Variants in TENM3 observed in about 807,000 individuals in gnomAD.
TENM3 encodes the protein teneurin-3.
In TENM3, 63 loss-of-function variants were observed where a neutral mutation model predicts 255.1. That is an observed-to-expected ratio of 0.25 (90% CI 0.20 to 0.30). The LOEUF (loss-of-function observed/expected upper bound fraction) is 0.30, where lower values mean the gene tolerates loss of function less well. TENM3 is among the 10% of genes least tolerant of loss of function. The probability of loss-of-function intolerance (pLI) is 1.00; values close to 1 mark genes in which losing one functional copy is unlikely to be tolerated. For missense variants in TENM3, 2,929 were observed against 3,461.1 expected, an observed-to-expected ratio of 0.85 and a Z score of 3.86; for synonymous variants, 1,306 against 1,322.3, an observed-to-expected ratio of 0.99 and a Z score of 0.27.
At chr4:182,161,863 GTATATATGTGTA>G (rs1461008772) in intron 1 of TENM3, among the ~76,000 whole-genome samples, 606 of 15,774 alleles carry the variant, frequency 0.038, 159 homozygotes, top group Non-Finnish European at 0.089. Flanking sequence ...ATATATATGT[GTATATATGTGTA>G]TATATATACA....
At chr4:182,044,521 G>A in the TENM3 span, among the ~76,000 whole-genome samples, 1 of 152,150 alleles carries the variant, frequency 6.6e-6, no homozygotes, top group South Asian at 2.1e-4. Flanking sequence ...TTCCAAAAAG[G>A]GCACTGAGAA....
At chr4:181,967,241 A>G in the TENM3 span, among the ~76,000 whole-genome samples, 1 of 152,164 alleles carries the variant, frequency 6.6e-6, no homozygotes, top group Non-Finnish European at 1.5e-5. Flanking sequence ...AGACAGGAGA[A>G]TGAGGTCCAA....
chr4:182,470,951 A>T (rs550834849), intron 3 of TENM3, among the ~76,000 whole-genome samples: 8 of 152,208 alleles, frequency 5.3e-5, no homozygotes, highest in Non-Finnish European at 1.0e-4. Flanking sequence ...AATGAAGATC[A>T]GTATTATTTT....
At position 182,667,502 on chromosome 4, in the gene TENM3, T is replaced by G. The variant is rs191861738; in HGVS notation, c.1112-5503T>G. On this transcript the variant is annotated intron_variant, in intron 6 of 27. Transcript: ENST00000511685. ...CCACACCTGGCCCAAATTTACCTTT[T>G]GTCAGAAAAAGTCTGACTTATTTTT... Among the ~76,000 whole-genome samples, 580 of 152,286 alleles carry G rather than the reference T, an allele frequency of 3.8e-3. 2 individuals carry two copies. Among genetic ancestry groups the G allele is most frequent in the African/African-American group, 0.013 (534 of 41,562 alleles).
the TENM3 span, among the ~76,000 whole-genome samples, chr4:181,514,531 G>A: frequency 6.6e-6 from 1 of 151,988 alleles, no homozygotes; most frequent in Non-Finnish European, 1.5e-5. Flanking sequence ...TCCATTTATG[G>A]AGTTTTACTT....
the TENM3 span, among the ~76,000 whole-genome samples, chr4:181,769,039 C>A: frequency 6.6e-6 from 1 of 152,010 alleles, no homozygotes. Flanking sequence ...GCAGGGAGCG[C>A]TTATCTGAGC....
chr4:181,666,746 T>C, the TENM3 span, among the ~76,000 whole-genome samples: 1 of 152,176 alleles, frequency 6.6e-6, no homozygotes, highest in African/African-American at 2.4e-5. Flanking sequence ...TGTTAACAAC[T>C]GCCATTGCAC....
the TENM3 span, among the ~76,000 whole-genome samples, chr4:181,968,087 G>A: frequency 9.9e-5 from 15 of 152,200 alleles, no homozygotes; most frequent in South Asian, 2.1e-4. Context: ...CTGGTATTCC[G>A]AGCACCAGAA....
intron 3 of TENM3, among the ~76,000 whole-genome samples, chr4:182,433,263 A>G (rs1047576086): frequency 2.0e-5 from 3 of 152,096 alleles, no homozygotes; most frequent in Non-Finnish European, 4.4e-5. Flanking sequence ...AGTTAAGTGG[A>G]TAGAGAGGTT....
intron 3 of TENM3, among the ~76,000 whole-genome samples, chr4:182,468,766 C>G (rs1234068252): frequency 1.4e-5 from 2 of 145,876 alleles, no homozygotes; most frequent in African/African-American, 2.5e-5. Flanking sequence ...CCCATAAGTT[C>G]TTTCATTATT....
At chr4:181,605,584 G>GGAAAGAAAGAAAGAAAGAAA in the TENM3 span, among the ~76,000 whole-genome samples, 6 of 69,142 alleles carry the variant, frequency 8.7e-5, no homozygotes, top group African/African-American at 3.5e-4. Context: ...GAGAAAGAAA[G>GGAAAGAAAGAAAGAAAGAAA]GAAAGAAAGA....
chr4:182,117,338 C>T, the TENM3 span, among the ~76,000 whole-genome samples: 1 of 152,088 alleles, frequency 6.6e-6, no homozygotes, highest in African/African-American at 2.4e-5. Flanking sequence ...GACAAAGGCA[C>T]GGATGATGTG....
the TENM3 span, among the ~76,000 whole-genome samples, chr4:182,076,218 T>C: frequency 2.5e-3 from 343 of 138,848 alleles, no homozygotes; most frequent in Middle Eastern, 7.7e-3. Flanking sequence ...TTCTTCTTTT[T>C]TTTTTTTTTT....
chr4:182,102,256 A>C, the TENM3 span, among the ~76,000 whole-genome samples: 1 of 152,218 alleles, frequency 6.6e-6, no homozygotes, highest in Non-Finnish European at 1.5e-5. Flanking sequence ...AAAAAATCAA[A>C]GAGCCATAGA....
At chr4:182,127,309 T>C in the TENM3 span, among the ~76,000 whole-genome samples, 3 of 152,202 alleles carry the variant, frequency 2.0e-5, no homozygotes, top group Admixed American at 2.0e-4. Context: ...CCAGAGATAA[T>C]GGATATGATT....
At chr4:181,895,394 T>A in the TENM3 span, among the ~76,000 whole-genome samples, 1 of 152,082 alleles carries the variant, frequency 6.6e-6, no homozygotes, top group Non-Finnish European at 1.5e-5. Flanking sequence ...TATCATTAGC[T>A]ATTCCAGTAA....
At chr4:181,448,154 A>ATTTTTTTTTTTTTTT in the TENM3 span, among the ~76,000 whole-genome samples, 1 of 90,064 alleles carries the variant, frequency 1.1e-5, no homozygotes, top group African/African-American at 4.8e-5. Context: ...AAATCCAGTA[A>ATTTTTTTTTTTTTTT]TTTTTTTTTT....
At chr4:182,459,679 C>G (rs1166213411) in intron 3 of TENM3, among the ~76,000 whole-genome samples, 1 of 151,824 alleles carries the variant, frequency 6.6e-6, no homozygotes, top group Non-Finnish European at 1.5e-5. Flanking sequence ...ATTCAAAGTA[C>G]AAAGTCTTTC....
chr4:181,666,644 A>G, the TENM3 span, among the ~76,000 whole-genome samples: 5 of 152,298 alleles, frequency 3.3e-5, no homozygotes, highest in East Asian at 7.7e-4. Context: ...AAGCTTGCAT[A>G]TATTATTAAA....
Sources: allele counts gnomAD v4.1 joint callset (sites outside exome capture counted in the v4.1 genomes callset), GRCh38; gene constraint gnomAD v4.1.1; transcripts MANE v1.5; gene names NCBI Gene and HGNC (gene_info 2026-07-23, HGNC 2026-07-21).